Variants in ADAMTS18 observed in about 807,000 individuals in gnomAD.
The protein encoded by ADAMTS18 is A disintegrin and metalloproteinase with thrombospondin motifs 18.
In ADAMTS18, 157 loss-of-function variants were observed where a neutral mutation model predicts 165.9. That is an observed-to-expected ratio of 0.95 (90% CI 0.83 to 1.08). ADAMTS18 has a LOEUF of 1.08. ADAMTS18 is among the 50% of genes least tolerant of loss of function. ADAMTS18 has a pLI of 0.00. For synonymous variants in ADAMTS18, 782 were observed against 578.2 expected (o/e 1.35, Z -5.06); for missense variants, 2,040 against 1,534.0 (o/e 1.33, Z -5.51).
intron 10 of ADAMTS18, among the ~76,000 whole-genome samples, chr16:77,348,207 T>C (rs1439600492): frequency 6.6e-6 from 1 of 152,142 alleles, no homozygotes; most frequent in Non-Finnish European, 1.5e-5. Flanking sequence ...GGACAATAAA[T>C]AATGTTCCTG....
chr16:77,433,021 C>T (rs999188748), intron 2 of ADAMTS18, among the ~76,000 whole-genome samples: 1 of 152,074 alleles, frequency 6.6e-6, no homozygotes, highest in African/African-American at 2.4e-5. Flanking sequence ...ACATATTTTA[C>T]AATAATGGGG....
chr16:77,298,971 T>C lies in ADAMTS18; in HGVS notation c.2674+1292A>G, dbSNP rs75515850. On this transcript the variant is annotated intron_variant, in intron 17 of 22. Coordinates refer to ENST00000282849, the MANE Select transcript of ADAMTS18 (RefSeq NM_199355.4). ...AATTTCACAACTGGCTTCCTCTGCA[T>C]CCTCCTCTTGGCTGGATTTAGATTC... 5.4e-4 allele frequency among the ~76,000 whole-genome samples: 82 copies of C among 152,342 alleles called. No individual in the cohort carries two copies. In the East Asian group the frequency reaches 0.015, roughly 27 times the overall value.
At position 77,373,480 on chromosome 16, in the gene ADAMTS18, G is replaced by GAAAGA. The variant is rs1555520848; in HGVS notation, c.496-5762_496-5758dup. Reference sequence around the variant, plus strand: ...CCTCAAAAAAGAAAAAAAAAAAAAAGAAAGAAAAGAAAAGAAAAAAAAGTT... The same window carrying GAAAGA: ...CCTCAAAAAAGAAAAAAAAAAAAAAGAAAGAAAAGAAAAGAAAAGAAAAAAAAGTT... On this transcript the variant is annotated intron_variant, in intron 3 of 22. Transcript: ENST00000282849. Among the ~76,000 whole-genome samples the GAAAGA allele has an allele frequency of 1.1e-4, 17 of 148,798 alleles. No individual in the cohort carries two copies. In the South Asian group the frequency reaches 2.3e-3, roughly 20 times the overall value.
At chr16:77,417,672 TATAC>T (rs1236623967) in intron 3 of ADAMTS18, among the ~76,000 whole-genome samples, 2 of 152,244 alleles carry the variant, frequency 1.3e-5, no homozygotes, top group African/African-American at 4.8e-5. Flanking sequence ...GTGGCATATG[TATAC>T]ATGTGCCATG....
At chr16:77,305,104 T>G (rs150082927) in intron 16 of ADAMTS18, among the ~76,000 whole-genome samples, 260 of 88,908 alleles carry the variant, frequency 2.9e-3, no homozygotes, top group African/African-American at 0.012. Context: ...AGTAAAAACT[T>G]AAACAAATAA....
intron 2 of ADAMTS18, chr16:77,431,882 A>C: frequency 1.9e-6 from 1 of 520,830 alleles, no homozygotes. Context: ...AACACCTCTC[A>C]TTGTCTGGAG....
intron 3 of ADAMTS18, among the ~76,000 whole-genome samples, chr16:77,379,637 T>C (rs1014172252): frequency 1.3e-5 from 2 of 152,118 alleles, no homozygotes; most frequent in African/African-American, 2.4e-5. Context: ...TACAGGTGCG[T>C]GCCACCACAC....
chr16:77,428,191 CT>C (rs1379328938), intron 3 of ADAMTS18, among the ~76,000 whole-genome samples: 1 of 152,158 alleles, frequency 6.6e-6, no homozygotes, highest in Non-Finnish European at 1.5e-5. Flanking sequence ...TCTCATTCAT[CT>C]CTTCTCGGTC....
chr16:77,392,026 C>A (rs955523714), intron 3 of ADAMTS18, among the ~76,000 whole-genome samples: 1 of 152,126 alleles, frequency 6.6e-6, no homozygotes, highest in African/African-American at 2.4e-5. Context: ...ACAGTCTCTC[C>A]ACATTGAAGA....
At chr16:77,295,805 T>G (rs1033142381) in intron 18 of ADAMTS18, among the ~76,000 whole-genome samples, 1 of 152,172 alleles carries the variant, frequency 6.6e-6, no homozygotes, top group African/African-American at 2.4e-5. Context: ...AATAGCTATC[T>G]GTCTGAGACT....
intron 10 of ADAMTS18, among the ~76,000 whole-genome samples, chr16:77,342,460 G>C (rs1188343971): frequency 6.6e-6 from 1 of 151,738 alleles, no homozygotes; most frequent in Non-Finnish European, 1.5e-5. Flanking sequence ...ATAGTTTATT[G>C]ACTGACTGAC....
chr16:77,375,537 C>G (rs2056937424), intron 3 of ADAMTS18, among the ~76,000 whole-genome samples: 1 of 152,158 alleles, frequency 6.6e-6, no homozygotes, highest in East Asian at 1.9e-4. Context: ...CTCTCCTGGT[C>G]CACGATGGGG....
chr16:77,360,142 T>C (rs1271976759), intron 7 of ADAMTS18, among the ~76,000 whole-genome samples: 2 of 152,206 alleles, frequency 1.3e-5, no homozygotes, highest in African/African-American at 4.8e-5. Flanking sequence ...TGCTTGTGAA[T>C]GGATTGTACC....
At chr16:77,330,194 T>A (rs1012096811) in intron 12 of ADAMTS18, among the ~76,000 whole-genome samples, 9 of 152,196 alleles carry the variant, frequency 5.9e-5, no homozygotes, top group African/African-American at 2.2e-4. Context: ...GGGCCATGAT[T>A]TTCCTCCTAA....
chr16:77,320,939 C>A, intron 15 of ADAMTS18, 140 bp downstream of exon 15: 2 of 1,075,022 alleles, frequency 1.9e-6, no homozygotes, highest in South Asian at 2.5e-5. Flanking sequence ...CTCCCTTACT[C>A]TTGCACAAGT....
intron 3 of ADAMTS18, among the ~76,000 whole-genome samples, chr16:77,372,814 T>C (rs1017323330): frequency 2.0e-5 from 3 of 152,162 alleles, no homozygotes; most frequent in Non-Finnish European, 4.4e-5. Flanking sequence ...CACTTTCTAT[T>C]GACGTCCCAA....
At chr16:77,419,022 G>A (rs896162958) in intron 3 of ADAMTS18, among the ~76,000 whole-genome samples, 4 of 152,188 alleles carry the variant, frequency 2.6e-5, no homozygotes, top group African/African-American at 4.8e-5. Context: ...GGTGGCAGGA[G>A]CCTGTAATCC....
At chr16:77,329,989 T>C (rs1480552950) in intron 12 of ADAMTS18, among the ~76,000 whole-genome samples, 4 of 152,310 alleles carry the variant, frequency 2.6e-5, no homozygotes, top group South Asian at 4.1e-4. Context: ...TTAGAATCAC[T>C]TGGAGAGCTC....
chr16:77,342,458 T>TTGACTGAC (rs3067838), intron 10 of ADAMTS18, among the ~76,000 whole-genome samples: 1 of 151,440 alleles, frequency 6.6e-6, no homozygotes, highest in East Asian at 2.0e-4. Flanking sequence ...TTATAGTTTA[T>TTGACTGAC]TGACTGACTG....
Sources: gnomAD v4.1 joint callset for allele counts (sites outside exome capture counted in the v4.1 genomes callset) on GRCh38, gnomAD v4.1.1 for gene constraint, MANE v1.5 for transcripts, NCBI Gene and HGNC (gene_info 2026-07-23, HGNC 2026-07-21) for gene names.